KCNB2: variants seen among roughly 807,000 people sequenced by gnomAD.
KCNB2 encodes the protein delayed rectifier potassium channel protein.
Under a neutral mutation model 61.5 loss-of-function variants are expected in KCNB2, and 15 were observed. The ratio of observed to expected loss-of-function variants is 0.24; its 90% CI spans 0.16 to 0.38. The LOEUF is 0.38. Among genes scored for constraint, KCNB2 ranks in the 10% least tolerant of loss-of-function variants. The pLI, the probability that KCNB2 is intolerant of heterozygous loss-of-function variation, is 1.00. For missense variants in KCNB2, 828 were observed against 1,125.2 expected, an observed-to-expected ratio of 0.74 and a Z score of 3.78; for synonymous variants, 457 against 446.0, an observed-to-expected ratio of 1.02 and a Z score of -0.31.
intron 2 of KCNB2, among the ~76,000 whole-genome samples, chr8:72,736,813 G>A (rs1159081514): frequency 6.6e-6 from 1 of 152,010 alleles, no homozygotes; most frequent in Non-Finnish European, 1.5e-5. Context: ...GATTTCTTTG[G>A]GAGCACTCTA....
chr8:72,870,990 GAGAAA>G (rs1292653721), intron 2 of KCNB2, among the ~76,000 whole-genome samples: 1 of 152,102 alleles, frequency 6.6e-6, no homozygotes, highest in African/African-American at 2.4e-5. Flanking sequence ...GGGGAAAATA[GAGAAA>G]AGAAAAGAAA....
At chr8:72,644,064 AT>A (rs1806093483) in intron 2 of KCNB2, among the ~76,000 whole-genome samples, 1 of 152,156 alleles carries the variant, frequency 6.6e-6, no homozygotes, top group Non-Finnish European at 1.5e-5. Context: ...ATAAGTAATG[AT>A]AACATTATGG....
intron 2 of KCNB2, among the ~76,000 whole-genome samples, chr8:72,925,665 AT>A (rs1806625821): frequency 6.6e-6 from 1 of 152,240 alleles, no homozygotes; most frequent in South Asian, 2.1e-4. Context: ...TAGTTCAACC[AT>A]TGTGGAAGGC....
intron 2 of KCNB2, among the ~76,000 whole-genome samples, chr8:72,782,935 A>T (rs1026897698): frequency 2.0e-5 from 3 of 152,186 alleles, no homozygotes; most frequent in Non-Finnish European, 4.4e-5. Context: ...ATTATAATAT[A>T]AGAGAGAGAT....
intron 2 of KCNB2, among the ~76,000 whole-genome samples, chr8:72,894,163 G>A (rs1457968020): frequency 3.3e-5 from 5 of 152,180 alleles, no homozygotes; most frequent in Non-Finnish European, 7.3e-5. Context: ...TGACAAGGAG[G>A]AGCCAGCAAT....
chr8:72,846,062 G>A (rs189720149), intron 2 of KCNB2, among the ~76,000 whole-genome samples: 2 of 152,198 alleles, frequency 1.3e-5, no homozygotes, highest in Admixed American at 1.3e-4. Context: ...TTGAAACCCA[G>A]GACCTTGGTG....
chr8:72,766,062 A>G (rs886769864), intron 2 of KCNB2, among the ~76,000 whole-genome samples: 6 of 152,210 alleles, frequency 3.9e-5, no homozygotes, highest in Non-Finnish European at 5.9e-5. Context: ...CTTGTGCACA[A>G]TGAGAGGGGT....
chr8:72,697,007 A>G (rs1436709668), intron 2 of KCNB2, among the ~76,000 whole-genome samples: 1 of 152,214 alleles, frequency 6.6e-6, no homozygotes, highest in Non-Finnish European at 1.5e-5. Context: ...AAGACTAAAA[A>G]GTATCGATCA....
intron 2 of KCNB2, among the ~76,000 whole-genome samples, chr8:72,910,880 T>C (rs1359255194): frequency 1.3e-5 from 2 of 152,182 alleles, no homozygotes; most frequent in East Asian, 3.9e-4. Flanking sequence ...GTTTGAAGTA[T>C]AACAAAAAGA....
chr8:72,708,340 A>G (rs1027558188), intron 2 of KCNB2, among the ~76,000 whole-genome samples: 1 of 152,240 alleles, frequency 6.6e-6, no homozygotes, highest in Non-Finnish European at 1.5e-5. Flanking sequence ...ACATTATTTC[A>G]ACAGTGCAAT....
intron 2 of KCNB2, among the ~76,000 whole-genome samples, chr8:72,715,938 G>A (rs1355617344): frequency 2.0e-5 from 3 of 152,086 alleles, no homozygotes; most frequent in African/African-American, 7.2e-5. Context: ...GAAGAAAAGA[G>A]AGAAGAATCA....
chr8:72,818,613 T>C (rs537170258), intron 2 of KCNB2, among the ~76,000 whole-genome samples: 1 of 152,316 alleles, frequency 6.6e-6, no homozygotes, highest in East Asian at 1.9e-4. Flanking sequence ...TTAATTCATA[T>C]TGAATGAATA....
intron 2 of KCNB2, among the ~76,000 whole-genome samples, chr8:72,631,128 T>C (rs1805872561): frequency 6.6e-6 from 1 of 152,206 alleles, no homozygotes; most frequent in African/African-American, 2.4e-5. Context: ...GTTATGTGAA[T>C]ATGGACTCTT....
At chr8:72,818,484 T>G (rs974964858) in intron 2 of KCNB2, among the ~76,000 whole-genome samples, 1 of 152,166 alleles carries the variant, frequency 6.6e-6, no homozygotes, top group Non-Finnish European at 1.5e-5. Flanking sequence ...CCCTGGAAAA[T>G]GCACAGTCGT....
At chr8:72,584,056 A>G (rs1806957952) in intron 2 of KCNB2, among the ~76,000 whole-genome samples, 1 of 151,824 alleles carries the variant, frequency 6.6e-6, no homozygotes, top group South Asian at 2.1e-4. Context: ...GTTTTCAGCA[A>G]TCCTCATAAT....
intron 2 of KCNB2, among the ~76,000 whole-genome samples, chr8:72,651,521 T>G (rs1013452592): frequency 2.0e-5 from 3 of 152,118 alleles, no homozygotes; most frequent in Non-Finnish European, 2.9e-5. Context: ...CCACAGAGAC[T>G]TTTTGCCCCC....
intron 2 of KCNB2, among the ~76,000 whole-genome samples, chr8:72,625,557 A>G (rs986594674): frequency 6.6e-6 from 1 of 152,038 alleles, no homozygotes; most frequent in Non-Finnish European, 1.5e-5. Context: ...CAGCCTCCTA[A>G]GTAGCTGAGA....
In KCNB2 at chr8:72,760,379, A is replaced by G. The variant is rs534523156; in HGVS notation, c.580-175556A>G. Among the ~76,000 whole-genome samples, 27 of 152,312 alleles carry G rather than the reference A, an allele frequency of 1.8e-4. No individual in the cohort carries two copies. In the South Asian group the frequency reaches 4.6e-3, roughly 26 times the overall value. ...AAATATTTCTCTTTCCCATTCATGC[A>G]TAGACATTCAAACAACTGAAATCAT... On this transcript the variant is annotated intron_variant, in intron 2 of 2. Coordinates refer to ENST00000523207, the MANE Select transcript of KCNB2 (RefSeq NM_004770.3).
chr8:72,697,394 C>G (rs1016895530), intron 2 of KCNB2, among the ~76,000 whole-genome samples: 2 of 152,144 alleles, frequency 1.3e-5, no homozygotes, highest in African/African-American at 4.8e-5. Context: ...TTACCTAATT[C>G]TCCAACTAAA....
Sources: allele counts gnomAD v4.1 joint callset (sites outside exome capture counted in the v4.1 genomes callset), GRCh38; gene constraint gnomAD v4.1.1; transcripts MANE v1.5; gene names NCBI Gene and HGNC (gene_info 2026-07-23, HGNC 2026-07-21).